ASIC2: variants seen among roughly 807,000 people sequenced by gnomAD.
ASIC2 encodes acid sensing ion channel subunit 2, also known as acid-sensing ion channel 2.
A neutral mutation model predicts 57.3 loss-of-function variants in ASIC2; 25 were observed. The observed-to-expected ratio is 0.44, with a 90% CI of 0.32 to 0.61. The LOEUF (loss-of-function observed/expected upper bound fraction) is 0.61. Among genes scored for constraint, ASIC2 ranks in the 20% least tolerant of loss-of-function variants. The pLI, the probability that ASIC2 is intolerant of heterozygous loss-of-function variation, is 0.06. For missense variants in ASIC2, 641 were observed against 738.1 expected, an observed-to-expected ratio of 0.87 and a Z score of 1.52; for synonymous variants, 319 against 307.5, an observed-to-expected ratio of 1.04 and a Z score of -0.39.
intron 1 of ASIC2, among the ~76,000 whole-genome samples, chr17:33,704,167 G>A (rs1316228819): frequency 6.6e-6 from 1 of 152,176 alleles, no homozygotes; most frequent in Non-Finnish European, 1.5e-5. Flanking sequence ...CTCAGCATTA[G>A]CATTGTAATT....
chr17:34,144,704 C>G (rs1912369918), intron 1 of ASIC2, among the ~76,000 whole-genome samples: 1 of 152,160 alleles, frequency 6.6e-6, no homozygotes, highest in Admixed American at 6.5e-5. Context: ...TCAGGGAAAC[C>G]TGGAACCTAC....
At chr17:33,296,915 C>A (rs1273779692), upstream of ASIC2, among the ~76,000 whole-genome samples, 2 of 152,194 alleles carry the variant, frequency 1.3e-5, no homozygotes, top group Non-Finnish European at 2.9e-5. Context: ...CTGTAGGAAT[C>A]CGTTCAATAC....
chr17:33,535,647 C>A (rs565200410), intron 1 of ASIC2, among the ~76,000 whole-genome samples: 4 of 152,192 alleles, frequency 2.6e-5, no homozygotes, highest in South Asian at 2.1e-4. Flanking sequence ...TCGCCTCCTG[C>A]CAATAGACAT....
At chr17:33,988,445 G>T (rs1221100276) in intron 1 of ASIC2, among the ~76,000 whole-genome samples, 1 of 152,154 alleles carries the variant, frequency 6.6e-6, no homozygotes, top group Non-Finnish European at 1.5e-5. Context: ...GATGTGACTT[G>T]CTCCTCCTTG....
At position 34,104,282 on chromosome 17, in the gene ASIC2, T is replaced by A. The variant is rs146935423; in HGVS notation, c.555+51696A>T. ...ATATAGAAATACAACTGATTTTCCG[T>A]ATGTATCTTATAGTCTGAGATATTG... is the stretch of plus-strand genomic sequence containing the variant. On this transcript the variant is annotated intron_variant, in intron 1 of 9. Coordinates refer to the ASIC2 transcript ENST00000359872. Among the ~76,000 whole-genome samples the A allele has an allele frequency of 8.1e-4, 124 of 152,286 alleles. No individual in the cohort carries two copies. In the Middle Eastern group the frequency reaches 0.017, roughly 21 times the overall value.
intron 1 of ASIC2, among the ~76,000 whole-genome samples, chr17:33,832,198 G>A (rs1318880115): frequency 3.9e-5 from 6 of 152,320 alleles, no homozygotes; most frequent in Non-Finnish European, 5.9e-5. Flanking sequence ...TAGAAATAAC[G>A]TAGTTAAGTG....
At chr17:34,095,090 GAAACATT>G (rs1326779986) in intron 1 of ASIC2, among the ~76,000 whole-genome samples, 1 of 152,178 alleles carries the variant, frequency 6.6e-6, no homozygotes, top group East Asian at 1.9e-4. Context: ...ATATAAAATG[GAAACATT>G]AAACAGGATG....
At chr17:33,336,608 A>C (rs1014770079) in intron 1 of ASIC2, among the ~76,000 whole-genome samples, 10 of 152,188 alleles carry the variant, frequency 6.6e-5, no homozygotes, top group African/African-American at 2.2e-4. Flanking sequence ...GGTATCGTTT[A>C]GTCCCATTCC....
At chr17:33,162,681 G>A (rs16968097) in intron 1 of ASIC2, among the ~76,000 whole-genome samples, 25 of 152,242 alleles carry the variant, frequency 1.6e-4, no homozygotes, top group African/African-American at 5.8e-4. Flanking sequence ...TCTCACACTC[G>A]GACTTGGCTC....
At chr17:33,572,373 C>T (rs1160910135) in intron 1 of ASIC2, 1 of 152,136 alleles carries the variant, frequency 6.6e-6, no homozygotes, top group African/African-American at 2.4e-5. Flanking sequence ...TTCAGGGGCT[C>T]AGAAAATTAG....
intron 1 of ASIC2, among the ~76,000 whole-genome samples, chr17:33,322,017 C>T (rs923129026): frequency 6.6e-6 from 1 of 152,184 alleles, no homozygotes; most frequent in Non-Finnish European, 1.5e-5. Context: ...CTGGGAAGGA[C>T]CACAGTGGAT....
intron 1 of ASIC2, among the ~76,000 whole-genome samples, chr17:33,641,234 G>A (rs1284535053): frequency 6.6e-6 from 1 of 152,134 alleles, no homozygotes; most frequent in African/African-American, 2.4e-5. Flanking sequence ...TCTATTCCTT[G>A]CCCAGCACGT....
At chr17:33,979,197 G>T (rs1384068906) in intron 1 of ASIC2, among the ~76,000 whole-genome samples, 1 of 152,138 alleles carries the variant, frequency 6.6e-6, no homozygotes, top group African/African-American at 2.4e-5. Flanking sequence ...CAATCCATCA[G>T]AGCCGTGACC....
chr17:33,263,530 A>G (rs950116899), intron 1 of ASIC2, among the ~76,000 whole-genome samples: 10 of 152,194 alleles, frequency 6.6e-5, no homozygotes, highest in Admixed American at 2.6e-4. Context: ...TCCTCCCACT[A>G]GGTGCTTCTG....
intron 1 of ASIC2, among the ~76,000 whole-genome samples, chr17:33,160,897 G>A (rs1376131540): frequency 6.6e-6 from 1 of 152,172 alleles, no homozygotes; most frequent in African/African-American, 2.4e-5. Context: ...GCTTAGGGTG[G>A]ACAACTGGGG....
At chr17:34,111,382 A>C in intron 1 of ASIC2, among the ~76,000 whole-genome samples, 1 of 151,086 alleles carries the variant, frequency 6.6e-6, no homozygotes, top group Middle Eastern at 3.2e-3. Context: ...GTCTGTGGCA[A>C]AACAGTACTT....
intron 1 of ASIC2, among the ~76,000 whole-genome samples, chr17:33,977,647 G>A (rs34839559): frequency 0.012 from 1,778 of 152,280 alleles, 42 homozygotes; most frequent in African/African-American, 0.04. Flanking sequence ...CCTCTCCTAA[G>A]AGAGATCTTT....
chr17:33,953,162 G>A (rs539367267), intron 1 of ASIC2, among the ~76,000 whole-genome samples: 5 of 152,064 alleles, frequency 3.3e-5, no homozygotes, highest in African/African-American at 1.2e-4. Context: ...TGTGTTAAGA[G>A]TAATTACCAC....
chr17:33,492,991 T>C (rs373585982), intron 1 of ASIC2, among the ~76,000 whole-genome samples: 102 of 152,368 alleles, frequency 6.7e-4, no homozygotes, highest in African/African-American at 2.4e-3. Context: ...TGGTTCTTTT[T>C]ATGTCAGGGC....
Sources: allele counts gnomAD v4.1 joint callset (sites outside exome capture counted in the v4.1 genomes callset), GRCh38; gene constraint gnomAD v4.1.1; transcripts MANE v1.5; gene names NCBI Gene and HGNC (gene_info 2026-07-23, HGNC 2026-07-21).